MYO10: variants seen among roughly 807,000 people sequenced by gnomAD.
MYO10 encodes the protein unconventional myosin-X.
A neutral mutation model predicts 257.3 loss-of-function variants in MYO10; 133 were observed. The observed-to-expected ratio is 0.52, with a 90% CI of 0.45 to 0.60. MYO10 has a LOEUF of 0.60. Among genes scored for constraint, MYO10 ranks in the 20% least tolerant of loss-of-function variants. The pLI is 0.00. For synonymous variants in MYO10, 1,104 were observed against 1,028.6 expected, an observed-to-expected ratio of 1.07 and a Z score of -1.40; for missense variants, 2,399 against 2,635.7, an observed-to-expected ratio of 0.91 and a Z score of 1.97.
chr5:16,741,822 C>T, intron 19 of MYO10: 1 of 985,436 alleles, frequency 1.0e-6, no homozygotes, highest in Non-Finnish European at 1.2e-6. Flanking sequence ...TTCTTTCACC[C>T]CTTCAGTTTC....
chr5:16,800,269 A>C (rs531091468), intron 3 of MYO10, among the ~76,000 whole-genome samples: 1 of 152,308 alleles, frequency 6.6e-6, no homozygotes, highest in Admixed American at 6.5e-5. Flanking sequence ...AATAAATTTA[A>C]AATCCCGGCC....
chr5:16,669,190 C>A (rs886964273), intron 39 of MYO10, among the ~76,000 whole-genome samples: 1 of 150,776 alleles, frequency 6.6e-6, no homozygotes, highest in East Asian at 2.0e-4. Flanking sequence ...TTCTCTGCAT[C>A]CTCCATGCAA....
intron 19 of MYO10, chr5:16,741,762 C>T (rs1740026313): frequency 3.1e-6 from 3 of 972,494 alleles, no homozygotes; most frequent in Non-Finnish European, 3.7e-6. Context: ...TGGCAAGTTA[C>T]ATGAAACTTT....
At chr5:16,796,442 C>CAGAA (rs70943805) in intron 3 of MYO10, among the ~76,000 whole-genome samples, 7,656 of 120,698 alleles carry the variant, frequency 0.063, 384 homozygotes, top group African/African-American at 0.14. Context: ...AAAAGAAAGA[C>CAGAA]AGAAAGAAAG....
rs1257787277 is a variant in MYO10 at position 16,663,687 on chromosome 5, AGAGT to A, written c.*3001_*3004del. On this transcript the variant is annotated 3_prime_UTR_variant, in exon 41 of 41. Transcript: ENST00000513610. ...TGCCTCTGCACTGTAGCCTGGTGAC[AGAGT>A]GAGACCCTGTCTCAAATAAACAATG... 3.9e-5 allele frequency: 6 copies of A among 152,264 alleles called. No individual in the cohort carries two copies. Among genetic ancestry groups the A allele is most frequent in the Non-Finnish European group, 2.9e-5 (2 of 68,038 alleles). The allele number at this position is 152,264 out of a possible 1,614,324, so 9.4% of individuals were successfully genotyped here. A position where few individuals can be genotyped will look rare whatever the true frequency, so the allele number is the denominator to read the frequency against.
intron 19 of MYO10, among the ~76,000 whole-genome samples, chr5:16,721,781 TA>T (rs1312097136): frequency 2.0e-5 from 3 of 152,140 alleles, no homozygotes; most frequent in African/African-American, 7.2e-5. Context: ...AAACCTCAAC[TA>T]CCTAATGGGA....
At chr5:16,740,735 A>T (rs1009403981) in intron 19 of MYO10, among the ~76,000 whole-genome samples, 1 of 152,170 alleles carries the variant, frequency 6.6e-6, no homozygotes, top group Non-Finnish European at 1.5e-5. Flanking sequence ...ACATTTGTAA[A>T]CTAAACAGAA....
chr5:16,899,495 A>G (rs892662432), intron 1 of MYO10, among the ~76,000 whole-genome samples: 1 of 150,856 alleles, frequency 6.6e-6, no homozygotes, highest in South Asian at 2.1e-4. Context: ...AAATTAGCAG[A>G]GCGTTGTGGC....
chr5:16,788,923 G>A (rs1435200604), intron 4 of MYO10, among the ~76,000 whole-genome samples: 1 of 152,138 alleles, frequency 6.6e-6, no homozygotes, highest in East Asian at 1.9e-4. Context: ...TGAGAGAGAG[G>A]TCAAAGAATC....
chr5:16,686,960 C>G (rs1737281099), intron 28 of MYO10, among the ~76,000 whole-genome samples: 1 of 152,068 alleles, frequency 6.6e-6, no homozygotes, highest in Non-Finnish European at 1.5e-5. Flanking sequence ...ACTATTTTGA[C>G]CAGAGAACTC....
chr5:16,721,093 C>T (rs540448447), intron 19 of MYO10, among the ~76,000 whole-genome samples: 1 of 152,254 alleles, frequency 6.6e-6, no homozygotes, highest in South Asian at 2.1e-4. Context: ...GATAACCCCT[C>T]TTCAACTTTA....
At chr5:16,786,824 G>GATTCTC (rs1455539549) in intron 4 of MYO10, among the ~76,000 whole-genome samples, 6 of 151,878 alleles carry the variant, frequency 4.0e-5, no homozygotes, top group African/African-American at 1.5e-4. Context: ...TCACCTAATA[G>GATTCTC]GTCCCTCGTC....
intron 2 of MYO10, among the ~76,000 whole-genome samples, chr5:16,831,510 A>G (rs974766396): frequency 6.6e-6 from 1 of 151,992 alleles, no homozygotes; most frequent in Non-Finnish European, 1.5e-5. Flanking sequence ...AAACTGTGGT[A>G]TATATATATA....
intron 2 of MYO10, among the ~76,000 whole-genome samples, chr5:16,840,669 T>G (rs529916793): frequency 9.9e-5 from 15 of 151,572 alleles, no homozygotes; most frequent in Non-Finnish European, 2.2e-4. Flanking sequence ...GTGTTATAAT[T>G]GACAAGAAAA....
At chr5:16,780,805 T>C in intron 6 of MYO10, 64 bp from the exon 7 acceptor site, 3 of 1,446,068 alleles carry the variant, frequency 2.1e-6, no homozygotes, top group Non-Finnish European at 2.8e-6. Flanking sequence ...GCTCAACTAG[T>C]CTTTCATTTT....
At chr5:16,677,847 G>C (rs1483508577) in intron 33 of MYO10, among the ~76,000 whole-genome samples, 1 of 151,042 alleles carries the variant, frequency 6.6e-6, no homozygotes, top group East Asian at 1.9e-4. Flanking sequence ...TGCAACCTCT[G>C]CATCCTGGGT....
At chr5:16,763,436 G>T in intron 14 of MYO10, 45 bp downstream of exon 14, 3 of 1,468,542 alleles carry the variant, frequency 2.0e-6, no homozygotes, top group Non-Finnish European at 2.9e-6. Flanking sequence ...AATCAGTCCA[G>T]CTGGACCCCC....
At chr5:16,868,700 C>T (rs191876908) in intron 2 of MYO10, among the ~76,000 whole-genome samples, 12 of 152,244 alleles carry the variant, frequency 7.9e-5, no homozygotes, top group African/African-American at 1.9e-4. Flanking sequence ...TGTGCTGACC[C>T]GCCTGTGTGC....
At chr5:16,927,634 G>T (rs960535214) in intron 1 of MYO10, among the ~76,000 whole-genome samples, 1 of 152,098 alleles carries the variant, frequency 6.6e-6, no homozygotes, top group African/African-American at 2.4e-5. Flanking sequence ...TTTAACTGCC[G>T]TAATTTAAAA....
Sources: gnomAD v4.1 joint callset for allele counts (sites outside exome capture counted in the v4.1 genomes callset) on GRCh38, gnomAD v4.1.1 for gene constraint, MANE v1.5 for transcripts, NCBI Gene and HGNC (gene_info 2026-07-23, HGNC 2026-07-21) for gene names.